The following RPAP3 variants were observed in gnomAD, a reference collection of about 807,000 sequenced individuals.
RPAP3 encodes RNA polymerase II-associated protein 3.
Under a neutral mutation model 88.8 loss-of-function variants are expected in RPAP3, and 58 were observed. The observed-to-expected ratio is 0.65, with a 90% CI of 0.53 to 0.81. The LOEUF (loss-of-function observed/expected upper bound fraction) is 0.81, where lower values mean the gene tolerates loss of function less well. Among genes scored for constraint, RPAP3 ranks in the 40% least tolerant of loss-of-function variants. The pLI is 0.00. For synonymous variants in RPAP3, 255 were observed against 259.9 expected (o/e 0.98, Z 0.18); for missense variants, 751 against 764.3 (o/e 0.98, Z 0.20).
At chr12:47,689,713 G>A (rs1429599554) in intron 6 of RPAP3, among the ~76,000 whole-genome samples, 1 of 152,070 alleles carries the variant, frequency 6.6e-6, no homozygotes, top group Non-Finnish European at 1.5e-5. Context: ...CCAGCCCCAG[G>A]AAGGATACCT....
intron 3 of RPAP3, among the ~76,000 whole-genome samples, chr12:47,700,354 A>G (rs1939632805): frequency 6.6e-6 from 1 of 152,228 alleles, no homozygotes; most frequent in South Asian, 2.1e-4. Flanking sequence ...TAGCTTCAAT[A>G]ATATTGGAAA....
chr12:47,670,207 T>A lies in RPAP3; in HGVS notation c.1426A>T (p.Ser476Cys). Residue 476 changes from serine to cysteine, a missense_variant, in exon 13 of 17, where the codon AGT becomes TGT. Coordinates refer to ENST00000005386, the MANE Select transcript of RPAP3 (RefSeq NM_024604.3). ...ANVIAATGTTSKKNSSQDDLF... is the reference protein window; with the variant it reads ...ANVIAATGTTCKKNSSQDDLF... ...TCATCTTGGCTTGAATTCTTCTTAC[T>A]TGTGGTGCCTGTGGCTGCTATTACA... is the stretch of plus-strand genomic sequence containing the variant. 6.2e-7 allele frequency: 1 copy of A among 1,614,024 alleles called. No homozygotes were observed. The highest frequency in any genetic ancestry group is 8.5e-7 in the Non-Finnish European group (1 of 1,179,918).
chr12:47,702,552 CAA>C, intron 2 of RPAP3, 134 bp downstream of exon 2: 1 of 744,784 alleles, frequency 1.3e-6, no homozygotes, highest in East Asian at 3.1e-5. Context: ...GACTCCATCA[CAA>C]AAAAAAAGAA....
At chr12:47,682,285 T>C (rs191824352) in intron 9 of RPAP3, among the ~76,000 whole-genome samples, 20 of 152,284 alleles carry the variant, frequency 1.3e-4, no homozygotes, top group Admixed American at 3.3e-4. Flanking sequence ...TCTAATACTT[T>C]GCATAAATTC....
In RPAP3 at chr12:47,689,045, A is replaced by G. The variant is rs1939377885; in HGVS notation, c.738+80T>C. ...AGAAAATCTCAATATTAAGAAATCTATAGTACAAAATCTATGCAAAAAGCT... is the reference window on the plus strand; with the variant it reads ...AGAAAATCTCAATATTAAGAAATCTGTAGTACAAAATCTATGCAAAAAGCT... On this transcript the variant is annotated intron_variant, in intron 7 of 16. Transcript: ENST00000005386. 9 of 669,558 alleles carry G rather than the reference A, an allele frequency of 1.3e-5. No homozygotes were observed. The East Asian group carries it at 2.3e-4, about 17-fold the overall frequency. The allele number at this position is 669,558 out of a possible 1,614,324, so 41.5% of individuals were successfully genotyped here. A position where few individuals can be genotyped will look rare whatever the true frequency, so the allele number is the denominator to read the frequency against.
chr12:47,694,017 T>C (rs1939476727), intron 5 of RPAP3, among the ~76,000 whole-genome samples: 1 of 152,278 alleles, frequency 6.6e-6, no homozygotes, highest in Non-Finnish European at 1.5e-5. Flanking sequence ...GACTGATTTA[T>C]AAATCTAATG....
chr12:47,687,370 T>C (rs1208204502), intron 8 of RPAP3, among the ~76,000 whole-genome samples: 1 of 152,138 alleles, frequency 6.6e-6, no homozygotes, highest in Admixed American at 6.5e-5. Flanking sequence ...TCAGCTGTAT[T>C]GGAATTTGTA....
At chr12:47,691,085 C>T (rs549145017) in intron 5 of RPAP3, among the ~76,000 whole-genome samples, 3 of 152,024 alleles carry the variant, frequency 2.0e-5, no homozygotes, top group Admixed American at 6.5e-5. Context: ...GGCTGCTGAC[C>T]GATCACGGTG....
chr12:47,685,633 T>A (rs1939307915), intron 9 of RPAP3, among the ~76,000 whole-genome samples: 1 of 152,232 alleles, frequency 6.6e-6, no homozygotes, highest in Non-Finnish European at 1.5e-5. Flanking sequence ...TCTAATCATC[T>A]ACGTTGCTTC....
At chr12:47,686,685 G>A (rs1006876411) in intron 9 of RPAP3, 95 bp downstream of exon 9, 15 of 922,604 alleles carry the variant, frequency 1.6e-5, no homozygotes, top group South Asian at 1.5e-4. Context: ...AACCTAACAC[G>A]CCATAATTGG....
chr12:47,665,066 C>G (rs1461793412), intron 16 of RPAP3, among the ~76,000 whole-genome samples: 1 of 150,404 alleles, frequency 6.6e-6, no homozygotes, highest in African/African-American at 2.4e-5. Context: ...GTCCTCGAGG[C>G]CAAAATAAGT....
intron 3 of RPAP3, chr12:47,699,765 G>A (rs982375805): frequency 1.1e-4 from 16 of 152,098 alleles, no homozygotes; most frequent in African/African-American, 3.9e-4. Flanking sequence ...CACAAAAATT[G>A]AGACATCCAC....
At chr12:47,704,310 C>A (rs1399648881) in intron 1 of RPAP3, among the ~76,000 whole-genome samples, 3 of 152,084 alleles carry the variant, frequency 2.0e-5, no homozygotes, top group Non-Finnish European at 4.4e-5. Context: ...GTTAGCAGTG[C>A]CAAATGCCAC....
At chr12:47,666,029 G>C (rs944402542) in intron 16 of RPAP3, among the ~76,000 whole-genome samples, 3 of 151,860 alleles carry the variant, frequency 2.0e-5, no homozygotes, top group African/African-American at 7.3e-5. Flanking sequence ...CTGCTAAAAA[G>C]ATAAAGAAGA....
At chr12:47,681,905 G>C in intron 9 of RPAP3, 88 bp from the exon 10 acceptor site, 1 of 1,287,754 alleles carries the variant, frequency 7.8e-7, no homozygotes, top group Non-Finnish European at 1.0e-6. Context: ...TAAAAAGCTT[G>C]TATATAATTT....
At position 47,687,080 on chromosome 12, in the gene RPAP3, CTTT is replaced by C. The variant is rs1344752915; in HGVS notation, c.865-176_865-174del. Among the ~76,000 whole-genome samples the C allele has an allele frequency of 3.3e-5, 5 of 152,094 alleles. No individual in the cohort carries two copies. The East Asian group carries it at 9.6e-4, about 29-fold the overall frequency. On this transcript the variant is annotated intron_variant, in intron 8 of 16. Transcript: ENST00000005386. ...TAAAATCTGTTGGTTTGGGTTGTTTCTTTTTTAATGGCATTATTCTCTTTTCAG... is the reference window on the plus strand; with the variant it reads ...TAAAATCTGTTGGTTTGGGTTGTTTCTTTAATGGCATTATTCTCTTTTCAG...
chr12:47,689,705 A>G (rs1407125131), intron 6 of RPAP3, among the ~76,000 whole-genome samples: 1 of 152,108 alleles, frequency 6.6e-6, no homozygotes, highest in East Asian at 1.9e-4. Context: ...ATCTTCCACC[A>G]GCCCCAGGAA....
At chr12:47,672,137 G>T (rs560106906) in intron 12 of RPAP3, among the ~76,000 whole-genome samples, 25 of 152,150 alleles carry the variant, frequency 1.6e-4, no homozygotes, top group African/African-American at 5.5e-4. Context: ...GAGACAAAAG[G>T]ATCAGGAAAA....
intron 1 of RPAP3, among the ~76,000 whole-genome samples, chr12:47,704,375 GT>G (rs796974183): frequency 3.3e-5 from 5 of 151,626 alleles, no homozygotes; most frequent in Non-Finnish European, 5.9e-5. Flanking sequence ...CAGAGTTTTT[GT>G]TTTTTTTCTT....
Sources: gnomAD v4.1 joint callset for allele counts (sites outside exome capture counted in the v4.1 genomes callset) on GRCh38, gnomAD v4.1.1 for gene constraint, MANE v1.5 for transcripts, NCBI Gene and HGNC (gene_info 2026-07-23, HGNC 2026-07-21) for gene names.